Variants in NAV3 observed in about 807,000 individuals in gnomAD.
NAV3 encodes the protein pore membrane and/or filament interacting like protein 1.
Under a neutral mutation model 244.7 loss-of-function variants are expected in NAV3, and 87 were observed. The ratio of observed to expected loss-of-function variants is 0.36; its 90% CI spans 0.30 to 0.42. NAV3 has a LOEUF of 0.42. Ranked by LOEUF, NAV3 falls within the 20% of genes least tolerant of loss-of-function variation. NAV3 has a pLI of 1.00. For synonymous variants in NAV3, 1,126 were observed against 1,042.2 expected (o/e 1.08, Z -1.55); for missense variants, 2,663 against 2,893.3 (o/e 0.92, Z 1.83).
chr12:77,699,030 C>T (rs1418790216), intron 2 of NAV3, among the ~76,000 whole-genome samples: 1 of 152,076 alleles, frequency 6.6e-6, no homozygotes. Flanking sequence ...AACATATATA[C>T]TCTAGATTCA....
intron 1 of NAV3, among the ~76,000 whole-genome samples, chr12:77,839,502 A>G (rs1875243523): frequency 6.6e-6 from 1 of 152,210 alleles, no homozygotes; most frequent in Non-Finnish European, 1.5e-5. Context: ...AAGGCAGTTA[A>G]TACTTAAGTC....
At chr12:78,041,180 G>A (rs972419283) in intron 9 of NAV3, among the ~76,000 whole-genome samples, 12 of 152,308 alleles carry the variant, frequency 7.9e-5, no homozygotes, top group African/African-American at 2.9e-4. Context: ...TGTAGAGAAA[G>A]TTTGTCATGT....
intron 2 of NAV3, among the ~76,000 whole-genome samples, chr12:77,614,370 A>G (rs1336208656): frequency 2.0e-5 from 3 of 152,030 alleles, no homozygotes; most frequent in African/African-American, 7.2e-5. Flanking sequence ...TTTTGTAATG[A>G]AAGTGTCACC....
intron 2 of NAV3, among the ~76,000 whole-genome samples, chr12:77,768,418 G>T (rs564174508): frequency 6.6e-6 from 1 of 152,196 alleles, no homozygotes; most frequent in East Asian, 1.9e-4. Context: ...ATGCCTTCAG[G>T]CCTGCACCAA....
chr12:78,160,204 G>A (rs967393431), intron 23 of NAV3, among the ~76,000 whole-genome samples: 1 of 152,104 alleles, frequency 6.6e-6, no homozygotes, highest in Non-Finnish European at 1.5e-5. Flanking sequence ...CAAAAAGAAA[G>A]GAACGGAGAA....
At chr12:78,209,614 T>A (rs557513481) in intron 39 of NAV3, among the ~76,000 whole-genome samples, 11 of 151,980 alleles carry the variant, frequency 7.2e-5, no homozygotes, top group South Asian at 2.1e-4. Context: ...GCAATGTGAC[T>A]GCTCTTTATT....
chr12:77,976,617 C>A (rs547114080), intron 5 of NAV3, among the ~76,000 whole-genome samples: 1 of 150,756 alleles, frequency 6.6e-6, no homozygotes, highest in South Asian at 2.1e-4. Context: ...TCAATCCTCA[C>A]GGCAATCCTA....
chr12:78,068,087 A>C (rs1038236010), intron 12 of NAV3, among the ~76,000 whole-genome samples: 2 of 151,984 alleles, frequency 1.3e-5, no homozygotes, highest in African/African-American at 4.8e-5. Context: ...AATAGACATA[A>C]GTATTGAGGA....
chr12:78,203,187 T>C (rs1407400229), intron 38 of NAV3, among the ~76,000 whole-genome samples: 1 of 152,096 alleles, frequency 6.6e-6, no homozygotes, highest in African/African-American at 2.4e-5. Flanking sequence ...CTACAATATG[T>C]GTTTCACTCG....
At chr12:78,001,007 A>G (rs916828506) in intron 7 of NAV3, among the ~76,000 whole-genome samples, 38 of 151,636 alleles carry the variant, frequency 2.5e-4, no homozygotes, top group African/African-American at 8.4e-4. Context: ...AAGTTATTCT[A>G]TATCCAAATG....
chr12:77,711,262 G>C (rs999591305), intron 2 of NAV3, among the ~76,000 whole-genome samples: 4 of 152,142 alleles, frequency 2.6e-5, no homozygotes, highest in Non-Finnish European at 5.9e-5. Flanking sequence ...CTTCAGTCTT[G>C]TTAATGTGGC....
chr12:78,056,047 G>A (rs1883453732), intron 11 of NAV3: 1 of 152,074 alleles, frequency 6.6e-6, no homozygotes, highest in African/African-American at 2.4e-5. Context: ...ATGCATTGAT[G>A]GTCTACATGT....
intron 30 of NAV3, among the ~76,000 whole-genome samples, chr12:78,182,568 T>G (rs1161719477): frequency 6.6e-6 from 1 of 151,792 alleles, no homozygotes; most frequent in Non-Finnish European, 1.5e-5. Flanking sequence ...TAAAAAAAAC[T>G]TAGTATCTAG....
At chr12:78,071,648 G>A (rs955907924) in intron 12 of NAV3, among the ~76,000 whole-genome samples, 3 of 152,002 alleles carry the variant, frequency 2.0e-5, no homozygotes, top group African/African-American at 7.2e-5. Context: ...ATTGATTTTT[G>A]TATAAGGTGT....
chr12:77,966,222 G>T lies in NAV3; in HGVS notation c.415-7G>T. ...AAGTTGCTTTTTCACTGCTTTTCATGTTGCAGATTGAAAATGTTGATGTCT... is the reference window on the plus strand; with the variant it reads ...AAGTTGCTTTTTCACTGCTTTTCATTTTGCAGATTGAAAATGTTGATGTCT... On this transcript the variant is annotated splice_region_variant and splice_polypyrimidine_tract_variant and intron_variant, in intron 3 of 39. Transcript: ENST00000397909. The T allele has an allele frequency of 1.2e-6, 2 of 1,613,018 alleles. No individual in the cohort carries two copies. The highest frequency in any genetic ancestry group is 1.7e-6 in the Non-Finnish European group (2 of 1,179,498).
chr12:77,748,422 A>G (rs1868668548), intron 2 of NAV3, among the ~76,000 whole-genome samples: 1 of 152,224 alleles, frequency 6.6e-6, no homozygotes, highest in Non-Finnish European at 1.5e-5. Context: ...TAAGATTCAA[A>G]TTGCCCTTTT....
chr12:77,989,823 A>G (rs1022154924), intron 5 of NAV3, among the ~76,000 whole-genome samples: 1 of 152,180 alleles, frequency 6.6e-6, no homozygotes, highest in Non-Finnish European at 1.5e-5. Flanking sequence ...CAGATAAATT[A>G]CTTTCTAAAG....
chr12:77,755,129 T>C (rs1869068039), intron 2 of NAV3, among the ~76,000 whole-genome samples: 1 of 152,158 alleles, frequency 6.6e-6, no homozygotes, highest in African/African-American at 2.4e-5. Context: ...TACATATGAA[T>C]CTCACCATCT....
At chr12:77,689,784 G>A (rs928025835) in intron 2 of NAV3, among the ~76,000 whole-genome samples, 1 of 151,734 alleles carries the variant, frequency 6.6e-6, no homozygotes, top group Non-Finnish European at 1.5e-5. Flanking sequence ...AAAATGGGAA[G>A]TAAACATTTT....
Sources: allele counts gnomAD v4.1 joint callset (sites outside exome capture counted in the v4.1 genomes callset), GRCh38; gene constraint gnomAD v4.1.1; transcripts MANE v1.5; gene names NCBI Gene and HGNC (gene_info 2026-07-23, HGNC 2026-07-21).